The following CACNA1D variants were observed in gnomAD, a reference collection of about 807,000 sequenced individuals.
CACNA1D encodes voltage-dependent L-type calcium channel subunit alpha-1D.
Under a neutral mutation model 257.1 loss-of-function variants are expected in CACNA1D, and 55 were observed. That is an observed-to-expected ratio of 0.21 (90% CI 0.17 to 0.27). CACNA1D has a LOEUF of 0.27. Among genes scored for constraint, CACNA1D ranks in the 10% least tolerant of loss-of-function variants. The probability of loss-of-function intolerance (pLI) is 1.00; values close to 1 mark genes in which losing one functional copy is unlikely to be tolerated. For missense variants in CACNA1D, 1,876 were observed against 2,784.0 expected (o/e 0.67, Z 7.34); for synonymous variants, 980 against 1,014.9 (o/e 0.97, Z 0.65).
Position 53,749,325 on chromosome 3 carries a change from C to A in CACNA1D, c.3372C>A (p.His1124Gln). 1 of 1,613,756 alleles carries A rather than the reference C, an allele frequency of 6.2e-7. No homozygotes were observed. The highest frequency in any genetic ancestry group is 2.2e-5 in the East Asian group (1 of 44,886). ...AGAACATCGGCCCAATCTACAACCA[C>A]CGCGTGGAGATCTCCATCTTCTTCA... ...NGENIGPIYN[H>Q]RVEISIFFII... is the part of the protein sequence containing the mutation. The change falls in exon 27 of 48, where the codon CAC becomes CAA. Residue 1124 changes from histidine (H) to glutamine (Q), a missense_variant. Coordinates refer to ENST00000350061, the MANE Select transcript of CACNA1D (RefSeq NM_001128840.3).
chr3:53,756,827 T>C (rs577588210), intron 29 of CACNA1D, among the ~76,000 whole-genome samples: 1 of 152,312 alleles, frequency 6.6e-6, no homozygotes, highest in South Asian at 2.1e-4. Context: ...GGGATTCTCT[T>C]TGTGGGATGT....
chr3:53,495,890 G>A lies in CACNA1D; in HGVS notation c.67+657G>A, dbSNP rs1355080355. Among the ~76,000 whole-genome samples, 1 of 152,222 alleles carries A rather than the reference G, an allele frequency of 6.6e-6. No individual in the cohort carries two copies. Among genetic ancestry groups the A allele is most frequent in the Non-Finnish European group, 1.5e-5 (1 of 68,050 alleles). ...TCCCCAGCTCTGGCCCGGGCACCAC[G>A]TGCAGCTTCCACGCCGGCCGGGGCT... On this transcript the variant is annotated intron_variant, in intron 1 of 47. Coordinates refer to ENST00000350061, the MANE Select transcript of CACNA1D (RefSeq NM_001128840.3). This position sits in a 1 kb window ranked among gnomAD's most constrained non-coding sequence, Gnocchi z 5.1.
At chr3:53,551,562 C>G (rs986950594) in intron 3 of CACNA1D, among the ~76,000 whole-genome samples, 53 of 152,194 alleles carry the variant, frequency 3.5e-4, no homozygotes, top group African/African-American at 1.2e-3. Flanking sequence ...TATGAGGTAT[C>G]GAGTATGTGC....
chr3:53,676,635 G>A (rs1233745560), intron 8 of CACNA1D, among the ~76,000 whole-genome samples: 3 of 152,232 alleles, frequency 2.0e-5, no homozygotes. Flanking sequence ...TCAGCCATTT[G>A]GAAATACCTG....
At chr3:53,612,490 C>A (rs990544980) in intron 3 of CACNA1D, among the ~76,000 whole-genome samples, 1 of 152,324 alleles carries the variant, frequency 6.6e-6, no homozygotes, top group African/African-American at 2.4e-5. Context: ...GTTGGAAAAT[C>A]AAATGAATGC....
At chr3:53,805,281 C>T in intron 45 of CACNA1D, 135 bp downstream of exon 45, 2 of 787,438 alleles carry the variant, frequency 2.5e-6, no homozygotes, top group Non-Finnish European at 4.3e-6. Flanking sequence ...CAGCCCCCAG[C>T]CAGAGAGTGT....
intron 11 of CACNA1D, among the ~76,000 whole-genome samples, chr3:53,721,325 G>A (rs1398324157): frequency 2.0e-5 from 3 of 152,206 alleles, no homozygotes; most frequent in African/African-American, 4.8e-5. Flanking sequence ...GAGTCAGCCA[G>A]GGCTGCAGCT....
At chr3:53,589,099 A>G (rs1016963151) in intron 3 of CACNA1D, among the ~76,000 whole-genome samples, 1 of 152,164 alleles carries the variant, frequency 6.6e-6, no homozygotes, top group East Asian at 1.9e-4. Flanking sequence ...TTCTCTTCCA[A>G]TGTATTTAAA....
rs2095226152 is a variant in CACNA1D, at chr3:53,751,528, G to T, written c.3517-221G>T. 2.6e-5 allele frequency among the ~76,000 whole-genome samples: 4 copies of T among 152,198 alleles called. No homozygotes were observed. The highest frequency in any genetic ancestry group is 9.7e-5 in the African/African-American group (4 of 41,440). On this transcript the variant is annotated intron_variant, in intron 27 of 47. Coordinates refer to ENST00000350061, the MANE Select transcript of CACNA1D (RefSeq NM_001128840.3). This position sits in a 1 kb window ranked among gnomAD's most constrained non-coding sequence, Gnocchi z 4.3. Reference sequence around the variant, plus strand: ...CATGGGTAGGCACCCAGCTTACCCGGAGCTTGCTGGGAGGGTCAGCGAAGG... The same window carrying T: ...CATGGGTAGGCACCCAGCTTACCCGTAGCTTGCTGGGAGGGTCAGCGAAGG...
chr3:53,779,120 G>A (rs539605583), intron 37 of CACNA1D, among the ~76,000 whole-genome samples: 3 of 152,226 alleles, frequency 2.0e-5, no homozygotes, highest in African/African-American at 2.4e-5. Flanking sequence ...GCAACAAAGC[G>A]AGACCTCATC....
At chr3:53,762,169 T>C in intron 30 of CACNA1D, 88 bp downstream of exon 30, 1 of 847,322 alleles carries the variant, frequency 1.2e-6, no homozygotes, top group Non-Finnish European at 2.1e-6. Flanking sequence ...TGGCATCACC[T>C]GGACAAGTCA....
At position 53,602,966 on chromosome 3, in the gene CACNA1D, C is replaced by T. The variant is rs144763907; in HGVS notation, c.484-47813C>T. Reference sequence around the variant, plus strand: ...TGCAGCTTTGCTGAGCTATTTCTCTCCAGCGGACGAAGTTGTCCCTCTTGG... The same window carrying T: ...TGCAGCTTTGCTGAGCTATTTCTCTTCAGCGGACGAAGTTGTCCCTCTTGG... On this transcript the variant is annotated intron_variant, in intron 3 of 47. Transcript: ENST00000350061. 1.1e-4 allele frequency among the ~76,000 whole-genome samples: 16 copies of T among 152,342 alleles called. 1 individual carries two copies. The East Asian group carries it at 2.9e-3, about 28-fold the overall frequency.
chr3:53,745,678 G>A lies in CACNA1D; in HGVS notation c.3061G>A (p.Val1021Ile), dbSNP rs760195465. The A allele has an allele frequency of 3.1e-6, 5 of 1,614,008 alleles. No individual in the cohort carries two copies. Among genetic ancestry groups the A allele is most frequent in the Non-Finnish European group, 3.4e-6 (4 of 1,179,944 alleles). Residue 1021 changes from valine (V) to isoleucine (I), a missense_variant, in exon 24 of 48, where the codon GTC (valine) becomes ATC (isoleucine). Physicochemically the swap from Val to Ile is conservative, Grantham distance 29. Coordinates refer to ENST00000350061, the MANE Select transcript of CACNA1D (RefSeq NM_001128840.3). ...CCGGACCATCGGCAACATCATGATCGTCACCACCCTCCTGCAGTTCATGTT... is the reference window on the plus strand; with the variant it reads ...CCGGACCATCGGCAACATCATGATCATCACCACCCTCCTGCAGTTCATGTT... ...AIRTIGNIMI[V>I]TTLLQFMFAC...
chr3:53,573,513 C>T (rs1435085635), intron 3 of CACNA1D, among the ~76,000 whole-genome samples: 1 of 152,208 alleles, frequency 6.6e-6, no homozygotes. Flanking sequence ...TAGCTCTGGT[C>T]CCAGTGTCTA....
chr3:53,569,721 G>C (rs1367370430), intron 3 of CACNA1D, among the ~76,000 whole-genome samples: 3 of 152,190 alleles, frequency 2.0e-5, no homozygotes, highest in African/African-American at 7.2e-5. Flanking sequence ...AGTATTAAAT[G>C]TATTCTTTAT....
intron 3 of CACNA1D, among the ~76,000 whole-genome samples, chr3:53,564,924 TTTTG>T (rs918963030): frequency 4.6e-5 from 7 of 152,188 alleles, no homozygotes; most frequent in Admixed American, 2.0e-4. Flanking sequence ...TCTGAAACTT[TTTTG>T]TTTGTTTGTT....
At position 53,751,527 on chromosome 3, in the gene CACNA1D, G is replaced by A. The variant is rs777975015; in HGVS notation, c.3517-222G>A. ...ACATGGGTAGGCACCCAGCTTACCC[G>A]GAGCTTGCTGGGAGGGTCAGCGAAG... On this transcript the variant is annotated intron_variant, in intron 27 of 47. Transcript: ENST00000350061. The surrounding 1 kb of genome is among the most constrained non-coding windows in gnomAD (Gnocchi z 4.3). Among the ~76,000 whole-genome samples, 5 of 152,182 alleles carry A rather than the reference G, an allele frequency of 3.3e-5. No individual in the cohort carries two copies. Among genetic ancestry groups the A allele is most frequent in the East Asian group, 1.9e-4 (1 of 5,184 alleles).
At chr3:53,801,516 C>A (rs1559713240) in intron 42 of CACNA1D, 91 bp downstream of exon 42, 2 of 1,534,626 alleles carry the variant, frequency 1.3e-6, no homozygotes, top group East Asian at 2.2e-5. Context: ...GTGCTCTGTG[C>A]TCTGGGGCAT....
chr3:53,528,978 CTTAT>C (rs2091857901), intron 3 of CACNA1D, among the ~76,000 whole-genome samples: 1 of 152,080 alleles, frequency 6.6e-6, no homozygotes, highest in Admixed American at 6.5e-5. Flanking sequence ...CATTCTAATA[CTTAT>C]TTATGTATAT....
Sources: gnomAD v4.1 joint callset for allele counts (sites outside exome capture counted in the v4.1 genomes callset) on GRCh38, gnomAD v4.1.1 for gene constraint, Gnocchi (gnomAD v3.1) non-coding constraint, MANE v1.5 for transcripts, NCBI Gene and HGNC (gene_info 2026-07-23, HGNC 2026-07-21) for gene names.